GUCA1A: variants seen among roughly 807,000 people sequenced by gnomAD.
GUCA1A encodes guanylyl cyclase-activating protein 1.
A neutral mutation model predicts 18.5 loss-of-function variants in GUCA1A; 14 were observed. The ratio of observed to expected loss-of-function variants is 0.76; its 90% CI spans 0.50 to 1.18. GUCA1A has a LOEUF of 1.18. GUCA1A is among the 50% of genes most tolerant of loss of function. The pLI, the probability that GUCA1A is intolerant of heterozygous loss-of-function variation, is 0.00. For missense variants in GUCA1A, 264 were observed against 262.4 expected (o/e 1.01, Z -0.04); for synonymous variants, 97 against 100.2 (o/e 0.97, Z 0.19).
At position 42,173,365 on chromosome 6, in the gene GUCA1A, G is replaced by A; in HGVS notation, c.-249G>A. ...TCTCCCCTGGGGCTGCAAGGATTTA[G>A]TGGAGACTCTTAACACCAGTTCTCT... On this transcript the variant is annotated 5_prime_UTR_variant, in exon 1 of 4. It adds an upstream start codon to the 5' untranslated region. Coordinates refer to ENST00000372958, the MANE Select transcript of GUCA1A (RefSeq NM_001384910.1). 1 of 577,580 alleles carries A rather than the reference G, an allele frequency of 1.7e-6. No individual in the cohort carries two copies. Among genetic ancestry groups the A allele is most frequent in the Non-Finnish European group, 3.1e-6 (1 of 322,332 alleles). The allele number at this position is 577,580 out of a possible 1,614,324, so 35.8% of individuals were successfully genotyped here.
intron 1 of GUCA1A, among the ~76,000 whole-genome samples, chr6:42,174,204 G>T (rs1767890903): frequency 6.6e-6 from 1 of 152,194 alleles, no homozygotes; most frequent in African/African-American, 2.4e-5. Flanking sequence ...CTTCCAAGAT[G>T]GTCATTGAAC....
intron 1 of GUCA1A, among the ~76,000 whole-genome samples, chr6:42,177,379 G>C (rs539373360): frequency 6.6e-6 from 1 of 152,176 alleles, no homozygotes; most frequent in East Asian, 1.9e-4. Flanking sequence ...AGTTAGTATT[G>C]CTATATATTT....
In GUCA1A at chr6:42,178,278, A is replaced by G; in HGVS notation, c.202-2A>G. ...CTCACGGCGGCCGCGCCCCTCGCCCAGGACGGCTACATTGATTTCATGGAG... is the reference window on the plus strand; with the variant it reads ...CTCACGGCGGCCGCGCCCCTCGCCCGGGACGGCTACATTGATTTCATGGAG... On this transcript the variant is annotated splice_acceptor_variant, in intron 1 of 3. Transcript: ENST00000372958. LOFTEE classifies it high-confidence loss of function. 2 of 1,613,496 alleles carry G rather than the reference A, an allele frequency of 1.2e-6. No individual in the cohort carries two copies. The highest frequency in any genetic ancestry group is 1.7e-6 in the Non-Finnish European group (2 of 1,180,010).
chr6:42,178,256 A>T (rs963780158), intron 1 of GUCA1A, 24 bp from the exon 2 acceptor site: 2 of 1,612,446 alleles, frequency 1.2e-6, no homozygotes, highest in Middle Eastern at 1.7e-4. Context: ...GGATGGGCTC[A>T]CGGCGGCCGC....
intron 1 of GUCA1A, among the ~76,000 whole-genome samples, chr6:42,175,370 T>C (rs1459360822): frequency 1.4e-5 from 2 of 140,444 alleles, no homozygotes; most frequent in Admixed American, 1.4e-4. Context: ...TTTTTTTTTT[T>C]TTTTTTTTGA....
chr6:42,174,025 G>A (rs140202623), intron 1 of GUCA1A, among the ~76,000 whole-genome samples: 44 of 152,334 alleles, frequency 2.9e-4, no homozygotes, highest in African/African-American at 1.0e-3. Flanking sequence ...AGCACCAACT[G>A]TGAATCAGGC....
chr6:42,177,580 T>G (rs966476013), intron 1 of GUCA1A, among the ~76,000 whole-genome samples: 4 of 151,430 alleles, frequency 2.6e-5, no homozygotes, highest in African/African-American at 9.7e-5. Flanking sequence ...GCAATCCAGC[T>G]CATTGTAGAA....
rs1562056669 is a variant in GUCA1A, at chr6:42,173,495, C to T, written c.-119C>T. 3.9e-6 allele frequency: 3 copies of T among 774,786 alleles called. No homozygotes were observed. In the East Asian group the frequency reaches 7.8e-5, roughly 20 times the overall value. The allele number at this position is 774,786 out of a possible 1,614,324, so 48.0% of individuals were successfully genotyped here. The stretch of plus-strand genomic sequence containing the variant: ...TCCATCAGGCCCTTCTTTGCTCAGG[C>T]CTGAAGGACTCAGGCCTGTGAGAGA... On this transcript the variant is annotated 5_prime_UTR_variant, in exon 1 of 4. Coordinates refer to ENST00000372958, the MANE Select transcript of GUCA1A (RefSeq NM_001384910.1).
intron 1 of GUCA1A, among the ~76,000 whole-genome samples, chr6:42,177,687 T>A (rs1446466309): frequency 1.3e-5 from 2 of 152,232 alleles, no homozygotes; most frequent in Non-Finnish European, 2.9e-5. Flanking sequence ...GTTTTCTTGC[T>A]TATTCAAGCT....
At chr6:42,175,963 T>C (rs1767949286) in intron 1 of GUCA1A, among the ~76,000 whole-genome samples, 1 of 152,186 alleles carries the variant, frequency 6.6e-6, no homozygotes, top group Non-Finnish European at 1.5e-5. Context: ...TTCCCACCTC[T>C]GCATTTCCTA....
In GUCA1A at chr6:42,179,365, G is replaced by C. The variant is rs137984482; in HGVS notation, c.568G>C (p.Glu190Gln). Residue 190 changes from glutamate to glutamine, a missense_variant, in exon 4 of 4, where the codon GAG (glutamate) becomes CAG (glutamine). Glu to Gln is a conservative substitution (Grantham distance 29). Coordinates refer to ENST00000372958, the MANE Select transcript of GUCA1A (RefSeq NM_001384910.1). ...VRRLQNGEQD[E>Q]EGADEAAEAA... ...CAGGCTCCAGAATGGCGAGCAAGAC[G>C]AGGAGGGGGCTGACGAGGCCGCTGA... 326 of 1,611,334 alleles carry C rather than the reference G, an allele frequency of 2.0e-4. No homozygotes were observed. Among genetic ancestry groups the C allele is most frequent in the Non-Finnish European group, 2.6e-4 (303 of 1,178,504 alleles).
At chr6:42,177,298 G>T in intron 1 of GUCA1A, among the ~76,000 whole-genome samples, 1 of 152,138 alleles carries the variant, frequency 6.6e-6, no homozygotes, top group East Asian at 1.9e-4. Context: ...CCTCTTGGGG[G>T]TGGCTTGAGA....
intron 1 of GUCA1A, among the ~76,000 whole-genome samples, chr6:42,175,616 C>T (rs192344750): frequency 2.0e-5 from 3 of 152,110 alleles, no homozygotes; most frequent in African/African-American, 4.8e-5. Flanking sequence ...CCGCCCACCT[C>T]GGCCTCCCAT....
chr6:42,173,543 G>T lies in GUCA1A; in HGVS notation c.-71G>T. 7.6e-7 allele frequency: 1 copy of T among 1,309,784 alleles called. No individual in the cohort carries two copies. 81.1% of individuals were successfully genotyped at this position (1,309,784 alleles called of 1,614,324 possible). A position where few individuals can be genotyped will look rare whatever the true frequency, so the allele number is the denominator to read the frequency against. ...AGAGGACGGCCCCGTTGTCGGCCAAGACACCTTTGGGCGAGGAGCAGCGAA... is the reference window on the plus strand; with the variant it reads ...AGAGGACGGCCCCGTTGTCGGCCAATACACCTTTGGGCGAGGAGCAGCGAA... On this transcript the variant is annotated 5_prime_UTR_variant, in exon 1 of 4. Transcript: ENST00000372958.
rs775285287 is a variant in GUCA1A at position 42,178,289 on chromosome 6, A to G, written c.211A>G (p.Ile71Val). The change falls in exon 2 of 4, where the codon ATT becomes GTT. Residue 71 changes from isoleucine (I) to valine (V), a missense_variant. By Grantham distance (29) the Ile-to-Val change is conservative. Coordinates refer to ENST00000372958, the MANE Select transcript of GUCA1A (RefSeq NM_001384910.1). ...ETFDFNKDGY[I>V]DFMEYVAALS... is the part of the protein sequence containing the mutation. ...CGCGCCCCTCGCCCAGGACGGCTAC[A>G]TTGATTTCATGGAGTACGTGGCAGC... 6 of 1,613,862 alleles carry G rather than the reference A, an allele frequency of 3.7e-6. No individual in the cohort carries two copies. Among genetic ancestry groups the G allele is most frequent in the Non-Finnish European group, 5.1e-6 (6 of 1,180,028 alleles).
At position 42,179,704 on chromosome 6, in the gene GUCA1A, C is replaced by G. The variant is rs781693223; in HGVS notation, c.*301C>G. ...CTTCTGACTCCTCTCCCAGCTTTTCCCAGCTTTCCCCACTGAGCTTCTCCA... is the reference window on the plus strand; with the variant it reads ...CTTCTGACTCCTCTCCCAGCTTTTCGCAGCTTTCCCCACTGAGCTTCTCCA... On this transcript the variant is annotated 3_prime_UTR_variant, in exon 4 of 4. Transcript: ENST00000372958. 3.8e-6 allele frequency: 1 copy of G among 259,938 alleles called. No individual in the cohort carries two copies. The highest frequency in any genetic ancestry group is 7.2e-6 in the Non-Finnish European group (1 of 138,188). 16.1% of individuals were successfully genotyped at this position (259,938 alleles called of 1,614,324 possible). A position where few individuals can be genotyped will look rare whatever the true frequency, so the allele number is the denominator to read the frequency against.
chr6:42,178,925 G>A lies in GUCA1A; in HGVS notation c.445+30G>A, dbSNP rs139360546. 1,224 of 1,518,160 alleles carry A rather than the reference G, an allele frequency of 8.1e-4. 13 individuals are homozygous for A. The South Asian group carries it at 8.4e-3, about 10-fold the overall frequency. The allele number at this position is 1,518,160 out of a possible 1,614,324, so 94.0% of individuals were successfully genotyped here. On this transcript the variant is annotated intron_variant, in intron 3 of 3. Transcript: ENST00000372958. ...GGGGGCCGAGGAGGGGCTCCCCAGC[G>A]GAGGGGTCACCATGGATGTGGGGTC...
intron 1 of GUCA1A, among the ~76,000 whole-genome samples, chr6:42,176,753 G>T (rs539105196): frequency 6.6e-5 from 10 of 152,136 alleles, no homozygotes; most frequent in Non-Finnish European, 1.5e-4. Flanking sequence ...GATACAGAGA[G>T]GAGTTAAACA....
intron 1 of GUCA1A, among the ~76,000 whole-genome samples, chr6:42,177,766 A>G (rs1384562492): frequency 6.6e-6 from 1 of 152,142 alleles, no homozygotes; most frequent in African/African-American, 2.4e-5. Flanking sequence ...GGACTGAATG[A>G]GCCCACTGTG....
Sources: allele counts gnomAD v4.1 joint callset (sites outside exome capture counted in the v4.1 genomes callset), GRCh38; gene constraint gnomAD v4.1.1; transcripts MANE v1.5; gene names NCBI Gene and HGNC (gene_info 2026-07-23, HGNC 2026-07-21).